Variants in KCNK1 observed in about 807,000 individuals in gnomAD.
The protein encoded by KCNK1 is potassium two pore domain channel subfamily K member 1, also known as potassium channel subfamily K member 1.
A neutral mutation model predicts 22.2 loss-of-function variants in KCNK1; 10 were observed. The observed-to-expected ratio is 0.45, with a 90% CI of 0.28 to 0.76. The LOEUF (loss-of-function observed/expected upper bound fraction) is 0.76, where lower values mean the gene tolerates loss of function less well. Ranked by LOEUF, KCNK1 falls within the 30% of genes least tolerant of loss-of-function variation. The probability of loss-of-function intolerance (pLI) is 0.14; values close to 1 mark genes in which losing one functional copy is unlikely to be tolerated. For synonymous variants in KCNK1, 200 were observed against 186.4 expected, an observed-to-expected ratio of 1.07 and a Z score of -0.60; for missense variants, 378 against 421.0, an observed-to-expected ratio of 0.90 and a Z score of 0.89.
chr1:233,644,297 G>C (rs1658052513), intron 1 of KCNK1, among the ~76,000 whole-genome samples: 1 of 152,172 alleles, frequency 6.6e-6, no homozygotes, highest in South Asian at 2.1e-4. Flanking sequence ...TGGGGATTCA[G>C]TTTCCAGGAC....
At chr1:233,646,617 T>C (rs1377288682) in intron 1 of KCNK1, among the ~76,000 whole-genome samples, 2 of 151,820 alleles carry the variant, frequency 1.3e-5, no homozygotes, top group African/African-American at 2.4e-5. Flanking sequence ...TGAGAGCAGA[T>C]GGAAGGTCTG....
intron 1 of KCNK1, chr1:233,662,058 C>T (rs1658403221): frequency 6.6e-6 from 1 of 152,218 alleles, no homozygotes; most frequent in Non-Finnish European, 1.5e-5. Context: ...AGGATGTGGT[C>T]TACCTCCAGG....
chr1:233,670,348 T>C (rs1353210062), intron 2 of KCNK1, among the ~76,000 whole-genome samples: 1 of 152,236 alleles, frequency 6.6e-6, no homozygotes, highest in Non-Finnish European at 1.5e-5. Context: ...TAGATAGCCA[T>C]GCACAAGGAC....
At chr1:233,669,464 G>T (rs1475785669) in intron 2 of KCNK1, among the ~76,000 whole-genome samples, 1 of 152,196 alleles carries the variant, frequency 6.6e-6, no homozygotes, top group African/African-American at 2.4e-5. Context: ...ATATTCCAAA[G>T]ATATATTAGA....
At chr1:233,643,580 G>A (rs2102896725) in intron 1 of KCNK1, among the ~76,000 whole-genome samples, 1 of 152,240 alleles carries the variant, frequency 6.6e-6, no homozygotes, top group South Asian at 2.1e-4. Context: ...CCTATTTACA[G>A]AAGTTAGAAG....
chr1:233,630,199 T>C (rs1382054280), intron 1 of KCNK1, among the ~76,000 whole-genome samples: 1 of 152,188 alleles, frequency 6.6e-6, no homozygotes, highest in East Asian at 1.9e-4. Context: ...TAGTTACAAA[T>C]GGGTACTTCT....
At chr1:233,630,969 A>G (rs1265179454) in intron 1 of KCNK1, among the ~76,000 whole-genome samples, 1 of 152,244 alleles carries the variant, frequency 6.6e-6, no homozygotes, top group Non-Finnish European at 1.5e-5. Context: ...TGAGAGCACC[A>G]TAGAAACTTG....
intron 1 of KCNK1, 33 bp downstream of exon 1, chr1:233,614,559 G>T (rs1163453776): frequency 3.3e-6 from 5 of 1,496,608 alleles, no homozygotes; most frequent in Non-Finnish European, 4.5e-6. Context: ...TGGCCGCCCC[G>T]GCCACCTCGC....
intron 1 of KCNK1, among the ~76,000 whole-genome samples, chr1:233,643,306 G>A (rs1324421331): frequency 6.6e-6 from 1 of 152,156 alleles, no homozygotes; most frequent in Non-Finnish European, 1.5e-5. Context: ...AGAGAGTGGG[G>A]AGGCTGTGGG....
intron 1 of KCNK1, among the ~76,000 whole-genome samples, chr1:233,624,576 A>G (rs553866141): frequency 4.6e-5 from 7 of 152,326 alleles, no homozygotes; most frequent in Admixed American, 6.5e-5. Context: ...AACTTAAGGC[A>G]CATTTCTTCA....
At chr1:233,637,103 G>A (rs1168711165) in intron 1 of KCNK1, among the ~76,000 whole-genome samples, 1 of 151,510 alleles carries the variant, frequency 6.6e-6, no homozygotes, top group Non-Finnish European at 1.5e-5. Context: ...GGCTGAGGCA[G>A]GAGAATGGCG....
In KCNK1 at chr1:233,663,504, C is replaced by T. The variant is rs553507766; in HGVS notation, c.356-3091C>T. Reference sequence around the variant, plus strand: ...ACTAGAAGTTTGTTTACTTTTTTTTCTCTACTAGAACCTAAATTATGTAAT... The same window carrying T: ...ACTAGAAGTTTGTTTACTTTTTTTTTTCTACTAGAACCTAAATTATGTAAT... On this transcript the variant is annotated intron_variant, in intron 1 of 2. Transcript: ENST00000366621. Among the ~76,000 whole-genome samples, 59 of 151,806 alleles carry T rather than the reference C, an allele frequency of 3.9e-4. No individual in the cohort carries two copies. In the South Asian group the frequency reaches 0.012, roughly 31 times the overall value.
chr1:233,643,588 A>G (rs1337376139), intron 1 of KCNK1, among the ~76,000 whole-genome samples: 1 of 152,106 alleles, frequency 6.6e-6, no homozygotes, highest in African/African-American at 2.4e-5. Flanking sequence ...CAGAAGTTAG[A>G]AGAAGAGAGA....
intron 1 of KCNK1, among the ~76,000 whole-genome samples, chr1:233,616,001 A>T (rs1657483089): frequency 6.6e-6 from 1 of 152,334 alleles, no homozygotes; most frequent in East Asian, 1.9e-4. Context: ...CTTTCCAAAG[A>T]ATGCCTGTTC....
Position 233,655,465 on chromosome 1 carries a change from A to G in KCNK1, c.356-11130A>G, listed in dbSNP as rs540728875. On this transcript the variant is annotated intron_variant, in intron 1 of 2. Transcript: ENST00000366621. ...TTTTGGAACCATTGGAATGGACTGAATGCATTTTGCGTGTGAGAAGGACAT... is the reference window on the plus strand; with the variant it reads ...TTTTGGAACCATTGGAATGGACTGAGTGCATTTTGCGTGTGAGAAGGACAT... Among the ~76,000 whole-genome samples the G allele has an allele frequency of 3.9e-5, 6 of 152,314 alleles. No individual in the cohort carries two copies. The South Asian group carries it at 1.2e-3, about 32-fold the overall frequency.
rs149667585 is a variant in KCNK1, at chr1:233,615,569, T to C, written c.355+1043T>C. Among the ~76,000 whole-genome samples, 562 of 152,298 alleles carry C rather than the reference T, an allele frequency of 3.7e-3. 7 individuals carry two copies. The highest frequency in any genetic ancestry group is 0.012 in the African/African-American group (489 of 41,564). ...CTATGAGATCCAATCTTTGAAATAA[T>C]CCATCTCGTCATGCACAAGGTCACA... On this transcript the variant is annotated intron_variant, in intron 1 of 2. Transcript: ENST00000366621.
intron 1 of KCNK1, among the ~76,000 whole-genome samples, chr1:233,655,494 A>G (rs1235998877): frequency 1.3e-5 from 2 of 152,166 alleles, no homozygotes; most frequent in Non-Finnish European, 2.9e-5. Context: ...AGGACATGAA[A>G]TTTTGGGATG....
chr1:233,618,623 C>T (rs537640272), intron 1 of KCNK1, among the ~76,000 whole-genome samples: 14 of 152,312 alleles, frequency 9.2e-5, no homozygotes, highest in African/African-American at 2.6e-4. Context: ...CGGTGGCTCA[C>T]GCCTGTAATC....
At chr1:233,643,224 T>A (rs578152074) in intron 1 of KCNK1, among the ~76,000 whole-genome samples, 1 of 152,146 alleles carries the variant, frequency 6.6e-6, no homozygotes, top group East Asian at 1.9e-4. Flanking sequence ...ACATCCACAG[T>A]GGTTAGGAGT....
Sources: gnomAD v4.1 joint callset for allele counts (sites outside exome capture counted in the v4.1 genomes callset) on GRCh38, gnomAD v4.1.1 for gene constraint, MANE v1.5 for transcripts, NCBI Gene and HGNC (gene_info 2026-07-23, HGNC 2026-07-21) for gene names.